Variants in SLC26A11 observed in about 807,000 individuals in gnomAD.
The protein encoded by SLC26A11 is solute carrier family 26 member 11.
In SLC26A11, 58 loss-of-function variants were observed where a neutral mutation model predicts 62.2. The ratio of observed to expected loss-of-function variants is 0.93; its 90% confidence interval spans 0.76 to 1.16. SLC26A11 has a LOEUF of 1.16. Ranked by LOEUF, SLC26A11 falls within the 50% of genes most tolerant of loss-of-function variation. The pLI is 0.00. For synonymous variants in SLC26A11, 411 were observed against 368.9 expected, an observed-to-expected ratio of 1.11 and a Z score of -1.31; for missense variants, 790 against 794.3, an observed-to-expected ratio of 0.99 and a Z score of 0.06.
intron 1 of SLC26A11, among the ~76,000 whole-genome samples, 196 bp downstream of exon 1, chr17:80,220,692 A>G (rs2042131007): frequency 6.6e-6 from 1 of 151,784 alleles, no homozygotes; most frequent in South Asian, 2.1e-4. Context: ...GGGCCAAGGG[A>G]CCGCGGACGG....
intron 16 of SLC26A11, 52 bp from the exon 17 acceptor site, chr17:80,251,277 G>A (rs914455257): frequency 2.0e-5 from 32 of 1,613,242 alleles, no homozygotes; most frequent in South Asian, 4.4e-5. Context: ...CTGCCGACCC[G>A]TGTGCTACAG....
chr17:80,227,551 G>C (rs890381558), intron 6 of SLC26A11, among the ~76,000 whole-genome samples: 9 of 152,374 alleles, frequency 5.9e-5, no homozygotes, highest in African/African-American at 1.9e-4. Flanking sequence ...TTGCTTAGGA[G>C]AAAACATCTC....
At chr17:80,244,949 T>C (rs1000967920) in intron 10 of SLC26A11, among the ~76,000 whole-genome samples, 3 of 118,902 alleles carry the variant, frequency 2.5e-5, no homozygotes, top group South Asian at 2.8e-4. Context: ...CATTCCAGCC[T>C]GGGCAACAAA....
Position 80,248,145 on chromosome 17 carries a change from C to T in SLC26A11, c.1310C>T (p.Pro437Leu). ...CTTCTCCTAGGGCTGGACCTGCTGC[C>T]CCTGTGCGTGACCTTCCTGCTGTGC... The part of the protein sequence containing the change: ...LWRVKRLDLL[P>L]LCVTFLLCFW... Residue 437 changes from proline (P) to leucine (L), a missense_variant, in exon 14 of 18, where the codon CCC becomes CTC. Pro to Leu is a moderately conservative substitution (Grantham distance 98). Transcript: ENST00000361193. 1.2e-6 allele frequency: 2 copies of T among 1,604,306 alleles called. No homozygotes were observed. The highest frequency in any genetic ancestry group is 2.2e-5 in the South Asian group (2 of 90,928).
intron 9 of SLC26A11, 116 bp from the exon 10 acceptor site, chr17:80,241,655 G>T: frequency 9.2e-7 from 1 of 1,083,622 alleles, no homozygotes. Flanking sequence ...TGTATTCTTA[G>T]ATTTACAAAA....
chr17:80,224,196 T>C (rs2042305715), intron 5 of SLC26A11, among the ~76,000 whole-genome samples: 1 of 130,262 alleles, frequency 7.7e-6, no homozygotes. Flanking sequence ...TGTATGAGTG[T>C]GTGTGAGTGT....
At chr17:80,251,010 C>T (rs1054282109) in intron 16 of SLC26A11, among the ~76,000 whole-genome samples, 23 of 151,504 alleles carry the variant, frequency 1.5e-4, no homozygotes, top group African/African-American at 5.6e-4. Flanking sequence ...TGGTGGCGTG[C>T]ACCTGTAGCT....
At position 80,220,451 on chromosome 17, in the gene SLC26A11, C is replaced by A; in HGVS notation, c.-259C>A. On this transcript the variant is annotated 5_prime_UTR_variant, in exon 1 of 18. Coordinates refer to ENST00000361193, the MANE Select transcript of SLC26A11 (RefSeq NM_001166347.2). ...CCTGTCCCCGGCGATTCCTGCGGAC[C>A]CAGCTGCGGCGACGCCAGGAGACCC... 1.2e-6 allele frequency: 1 copy of A among 813,906 alleles called. No homozygotes were observed. The highest frequency in any genetic ancestry group is 1.7e-6 in the Non-Finnish European group (1 of 576,408). The allele number at this position is 813,906 out of a possible 1,614,324, so 50.4% of individuals were successfully genotyped here.
chr17:80,237,685 G>C lies in SLC26A11; in HGVS notation c.985+91G>C, dbSNP rs916086610. On this transcript the variant is annotated intron_variant, in intron 9 of 17. Transcript: ENST00000361193. ...TCTAGCTTGCCTTTATCCGTTACTA[G>C]TTTTAGAAATTTGAATTCATATCCA... 14 of 1,248,710 alleles carry C rather than the reference G, an allele frequency of 1.1e-5. No homozygotes were observed. In the African/African-American group the frequency reaches 2.1e-4, roughly 19 times the overall value. The allele number at this position is 1,248,710 out of a possible 1,614,324, so 77.4% of individuals were successfully genotyped here. A position where few individuals can be genotyped will look rare whatever the true frequency, so the allele number is the denominator to read the frequency against.
Position 80,222,507 on chromosome 17 carries a change from C to T in SLC26A11, c.235-148C>T. The T allele has an allele frequency of 1.3e-6, 1 of 776,768 alleles. No homozygotes were observed. Among genetic ancestry groups the T allele is most frequent in the South Asian group, 1.8e-5 (1 of 56,880 alleles). The allele number at this position is 776,768 out of a possible 1,614,324, so 48.1% of individuals were successfully genotyped here. On this transcript the variant is annotated intron_variant, in intron 3 of 17. Coordinates refer to ENST00000361193, the MANE Select transcript of SLC26A11 (RefSeq NM_001166347.2). This position sits in a 1 kb window ranked among gnomAD's most constrained non-coding sequence, Gnocchi z 4.7. ...TAAAAAAGTGGCCTCCTGATCACTGCAGGTCCACCCACAGGGCAGGGCGGT... is the reference window on the plus strand; with the variant it reads ...TAAAAAAGTGGCCTCCTGATCACTGTAGGTCCACCCACAGGGCAGGGCGGT...
intron 16 of SLC26A11, among the ~76,000 whole-genome samples, chr17:80,250,330 G>A (rs754516704): frequency 2.0e-5 from 3 of 152,146 alleles, no homozygotes; most frequent in Non-Finnish European, 4.4e-5. Flanking sequence ...TTCCCAACCT[G>A]GCCCACGAGG....
chr17:80,247,194 GA>G (rs1374518572), intron 13 of SLC26A11, among the ~76,000 whole-genome samples: 1 of 152,024 alleles, frequency 6.6e-6, no homozygotes, highest in African/African-American at 2.4e-5. Context: ...CAAGGCAGAG[GA>G]ATTTTTCTTA....
intron 15 of SLC26A11, among the ~76,000 whole-genome samples, 159 bp downstream of exon 15, chr17:80,248,833 C>T (rs1234034842): frequency 1.5e-5 from 2 of 130,882 alleles, no homozygotes; most frequent in African/African-American, 5.0e-5. Context: ...TGGGCCTCAG[C>T]CAGTGGCTGC....
At position 80,238,719 on chromosome 17, in the gene SLC26A11, G is replaced by A. The variant is rs77508782; in HGVS notation, c.985+1125G>A. ...TACCAGTGTATGTTACTGTGACTGTGTAAATCGTGTTTACTGCCTAGCCCA... is the reference window on the plus strand; with the variant it reads ...TACCAGTGTATGTTACTGTGACTGTATAAATCGTGTTTACTGCCTAGCCCA... On this transcript the variant is annotated intron_variant, in intron 9 of 17. Coordinates refer to ENST00000361193, the MANE Select transcript of SLC26A11 (RefSeq NM_001166347.2). Among the ~76,000 whole-genome samples the A allele has an allele frequency of 5.4e-3, 817 of 151,698 alleles. 7 individuals carry two copies. Among genetic ancestry groups the A allele is most frequent in the African/African-American group, 0.019 (771 of 41,278 alleles).
In SLC26A11 at chr17:80,228,025, C is replaced by T. The variant is rs2042459972; in HGVS notation, c.736+65C>T. 6.8e-7 allele frequency: 1 copy of T among 1,467,594 alleles called. No individual in the cohort carries two copies. Among genetic ancestry groups the T allele is most frequent in the Admixed American group, 1.9e-5 (1 of 52,238 alleles). The allele number at this position is 1,467,594 out of a possible 1,614,324, so 90.9% of individuals were successfully genotyped here. A position where few individuals can be genotyped will look rare whatever the true frequency, so the allele number is the denominator to read the frequency against. On this transcript the variant is annotated intron_variant, in intron 7 of 17. Transcript: ENST00000361193. The surrounding 1 kb of genome is among the most constrained non-coding windows in gnomAD (Gnocchi z 4.1). The stretch of plus-strand genomic sequence containing the variant: ...GCAGGTTGGGGTCACTTGGGGAGTC[C>T]TAGTCCCACCCTAGGGATTCTCACG...
chr17:80,228,015 T>G lies in SLC26A11; in HGVS notation c.736+55T>G. ...AACCTTGGCTGCAGGTTGGGGTCAC[T>G]TGGGGAGTCCTAGTCCCACCCTAGG... On this transcript the variant is annotated intron_variant, in intron 7 of 17. Transcript: ENST00000361193. The surrounding 1 kb of genome is among the most constrained non-coding windows in gnomAD (Gnocchi z 4.1). The G allele has an allele frequency of 6.5e-7, 1 of 1,540,272 alleles. No homozygotes were observed. Among genetic ancestry groups the G allele is most frequent in the Non-Finnish European group, 8.8e-7 (1 of 1,138,640 alleles).
Position 80,229,733 on chromosome 17 carries a change from G to C in SLC26A11, c.736+1773G>C, listed in dbSNP as rs1236361077. Reference sequence around the variant, plus strand: ...GCGTGAGCCACTGCGCCTGGCCTATGCCTTGTTATCTTAAACCTTGAGACT... The same window carrying C: ...GCGTGAGCCACTGCGCCTGGCCTATCCCTTGTTATCTTAAACCTTGAGACT... On this transcript the variant is annotated intron_variant, in intron 7 of 17. Coordinates refer to ENST00000361193, the MANE Select transcript of SLC26A11 (RefSeq NM_001166347.2). Among the ~76,000 whole-genome samples the C allele has an allele frequency of 5.9e-5, 9 of 152,220 alleles. No individual in the cohort carries two copies. In the South Asian group the frequency reaches 1.9e-3, roughly 32 times the overall value.
At chr17:80,233,617 G>T (rs6565657) in intron 7 of SLC26A11, among the ~76,000 whole-genome samples, 39,839 of 145,422 alleles carry the variant, frequency 0.27, 5,883 homozygotes, top group South Asian at 0.38. Context: ...GATTCACTCT[G>T]TCACTCAGGC....
rs1163284177 is a variant in SLC26A11, at chr17:80,221,582, C to T, written c.22C>T (p.Leu8=). ...AGAGATGCCTTCTTCGGTGACGGCG[C>T]TGGGTCAGGCCAGGTCCTCTGGCCC... MPSSVTA[L]GQARSSGPGM... is the part of the protein sequence containing the mutation. The change falls in exon 3 of 18, where the codon CTG becomes TTG. Residue 8 remains leucine, a synonymous_variant. Transcript: ENST00000361193. The T allele has an allele frequency of 5.6e-6, 9 of 1,601,038 alleles. No individual in the cohort carries two copies. Among genetic ancestry groups the T allele is most frequent in the Non-Finnish European group, 7.6e-6 (9 of 1,177,584 alleles).
Sources: gnomAD v4.1 joint callset for allele counts (sites outside exome capture counted in the v4.1 genomes callset) on GRCh38, gnomAD v4.1.1 for gene constraint, Gnocchi (gnomAD v3.1) non-coding constraint, MANE v1.5 for transcripts, NCBI Gene and HGNC (gene_info 2026-07-23, HGNC 2026-07-21) for gene names.